PTBP2: variants seen among roughly 807,000 people sequenced by gnomAD.
PTBP2 encodes the protein polypyrimidine tract-binding protein 2.
PTBP2 carries 13 observed loss-of-function variants against 61.4 expected under a neutral mutation model. The ratio of observed to expected loss-of-function variants is 0.21; its 90% CI spans 0.14 to 0.34. PTBP2 has a LOEUF of 0.34. Ranked by LOEUF, PTBP2 falls within the 10% of genes least tolerant of loss-of-function variation. The pLI is 1.00. For synonymous variants in PTBP2, 215 were observed against 218.5 expected, an observed-to-expected ratio of 0.98 and a Z score of 0.14; for missense variants, 405 against 642.6, an observed-to-expected ratio of 0.63 and a Z score of 4.00.
chr1:96,732,205 A>G (rs1034795177), intron 2 of PTBP2, among the ~76,000 whole-genome samples: 3 of 152,200 alleles, frequency 2.0e-5, no homozygotes, highest in African/African-American at 7.2e-5. Context: ...AGAAAATTAC[A>G]ATCAAATAAT....
At chr1:96,744,788 TTTACTA>T (rs1395975127) in intron 2 of PTBP2, among the ~76,000 whole-genome samples, 8 of 152,230 alleles carry the variant, frequency 5.3e-5, no homozygotes, top group African/African-American at 1.4e-4. Flanking sequence ...TGATCATTCT[TTTACTA>T]TTTCCACTTG....
intron 4 of PTBP2, among the ~76,000 whole-genome samples, chr1:96,770,159 C>T (rs963919835): frequency 6.6e-6 from 1 of 151,920 alleles, no homozygotes; most frequent in Non-Finnish European, 1.5e-5. Flanking sequence ...TACTGTGGCT[C>T]TGTTCTTTGG....
chr1:96,781,777 AC>A (rs1441103740), intron 7 of PTBP2, among the ~76,000 whole-genome samples: 1 of 151,928 alleles, frequency 6.6e-6, no homozygotes, highest in African/African-American at 2.4e-5. Flanking sequence ...TATTTATTAA[AC>A]ATTGACATTC....
rs370657487 is a variant in PTBP2 at position 96,763,015 on chromosome 1, T to C, written c.116-6688T>C. ...GCAGAGACGCTCCTCACTTCCTAGA[T>C]GGGATGGCGGCCGGGAAGAGGCGCT... is the stretch of plus-strand genomic sequence containing the variant. On this transcript the variant is annotated intron_variant, in intron 3 of 13. Transcript: ENST00000674951. Among the ~76,000 whole-genome samples, 3 of 140,914 alleles carry C rather than the reference T, an allele frequency of 2.1e-5. No homozygotes were observed. The East Asian group carries it at 6.7e-4, about 32-fold the overall frequency. The allele number at this position is 140,914 out of a possible 152,430, so 92.4% of individuals were successfully genotyped here.
chr1:96,745,356 G>T (rs893792789), intron 2 of PTBP2, among the ~76,000 whole-genome samples: 2 of 151,928 alleles, frequency 1.3e-5, no homozygotes, highest in African/African-American at 4.8e-5. Flanking sequence ...TAGAGACGGG[G>T]TTTCACCCTG....
intron 3 of PTBP2, among the ~76,000 whole-genome samples, chr1:96,766,584 T>G (rs896739947): frequency 6.6e-6 from 1 of 152,160 alleles, no homozygotes; most frequent in African/African-American, 2.4e-5. Flanking sequence ...TGGAGTGTGT[T>G]TATATTTGAA....
At chr1:96,810,923 G>C (rs934456675) in intron 11 of PTBP2, among the ~76,000 whole-genome samples, 4 of 152,190 alleles carry the variant, frequency 2.6e-5, no homozygotes, top group African/African-American at 7.2e-5. Context: ...GTGAAATGCA[G>C]TGTGAGAAAC....
At chr1:96,747,758 G>A (rs1473208364) in intron 2 of PTBP2, among the ~76,000 whole-genome samples, 1 of 152,012 alleles carries the variant, frequency 6.6e-6, no homozygotes, top group African/African-American at 2.4e-5. Context: ...ACTGGGCCAA[G>A]TTTCTTTCAT....
rs989047792 is a variant in PTBP2 at position 96,760,440 on chromosome 1, C to CTTTT, written c.115+8961_115+8964dup. ...ATAACATAGTTGGGAAAATAGTTTG[C>CTTTT]TTTTTTTTTTTTTTTTTTTTTTTTG... On this transcript the variant is annotated intron_variant, in intron 3 of 13. Coordinates refer to ENST00000674951, the MANE Select transcript of PTBP2 (RefSeq NM_021190.4). Among the ~76,000 whole-genome samples, 300 of 83,090 alleles carry CTTTT rather than the reference C, an allele frequency of 3.6e-3. 5 individuals carry two copies. The highest frequency in any genetic ancestry group is 8.7e-3 in the African/African-American group (161 of 18,422). The allele number at this position is 83,090 out of a possible 152,430, so 54.5% of individuals were successfully genotyped here.
chr1:96,813,198 A>G (rs1206059257), intron 13 of PTBP2, 78 bp from the exon 14 acceptor site: 2 of 1,545,546 alleles, frequency 1.3e-6, no homozygotes, highest in African/African-American at 1.4e-5. Context: ...TTGATTCCGG[A>G]ATGGCCAAAA....
intron 7 of PTBP2, among the ~76,000 whole-genome samples, chr1:96,778,900 A>G (rs922173080): frequency 1.3e-5 from 2 of 152,130 alleles, no homozygotes; most frequent in Non-Finnish European, 2.9e-5. Context: ...CAGAAAGGCT[A>G]TACAAGTAAT....
At chr1:96,794,264 A>G (rs1660142347) in intron 8 of PTBP2, among the ~76,000 whole-genome samples, 1 of 152,228 alleles carries the variant, frequency 6.6e-6, no homozygotes, top group African/African-American at 2.4e-5. Context: ...AGCCTTGTGT[A>G]ATGAAATCTT....
At chr1:96,783,930 G>C (rs1658953791) in intron 7 of PTBP2, among the ~76,000 whole-genome samples, 6 of 152,068 alleles carry the variant, frequency 3.9e-5, no homozygotes. Flanking sequence ...GTATTGAAGT[G>C]GATGAATCTG....
intron 2 of PTBP2, among the ~76,000 whole-genome samples, chr1:96,737,266 C>T (rs1652352381): frequency 6.6e-6 from 1 of 152,144 alleles, no homozygotes; most frequent in Non-Finnish European, 1.5e-5. Flanking sequence ...GCGACCGGCC[C>T]ACTTTTTCTT....
intron 8 of PTBP2, among the ~76,000 whole-genome samples, chr1:96,797,582 GAC>G (rs1342237251): frequency 1.3e-5 from 2 of 151,972 alleles, no homozygotes; most frequent in African/African-American, 2.4e-5. Flanking sequence ...TTGGTTCTAG[GAC>G]ACACACAGTC....
intron 8 of PTBP2, among the ~76,000 whole-genome samples, chr1:96,785,692 A>G (rs768088998): frequency 5.9e-5 from 9 of 152,218 alleles, no homozygotes; most frequent in Non-Finnish European, 1.0e-4. Flanking sequence ...GAGACAAAAC[A>G]TACATAATGG....
intron 7 of PTBP2, among the ~76,000 whole-genome samples, chr1:96,781,297 G>C (rs1375553767): frequency 1.3e-5 from 2 of 151,828 alleles, no homozygotes; most frequent in Non-Finnish European, 2.9e-5. Context: ...CAGAGTACTA[G>C]GAATCATCTC....
chr1:96,795,042 A>G (rs1007829683), intron 8 of PTBP2, among the ~76,000 whole-genome samples: 3 of 152,142 alleles, frequency 2.0e-5, no homozygotes, highest in African/African-American at 7.2e-5. Context: ...CCATTTGATG[A>G]TATTATGTAC....
At chr1:96,765,092 C>T (rs764730204) in intron 3 of PTBP2, among the ~76,000 whole-genome samples, 17 of 152,230 alleles carry the variant, frequency 1.1e-4, no homozygotes, top group Non-Finnish European at 1.8e-4. Context: ...GAAAGAGTAG[C>T]AGCATTCATT....
Sources: gnomAD v4.1 joint callset for allele counts (sites outside exome capture counted in the v4.1 genomes callset) on GRCh38, gnomAD v4.1.1 for gene constraint, MANE v1.5 for transcripts, NCBI Gene and HGNC (gene_info 2026-07-23, HGNC 2026-07-21) for gene names.